The following SOX6 variants were observed in gnomAD, a reference collection of about 807,000 sequenced individuals.
SOX6 encodes SRY-box transcription factor 6, also known as transcription factor SOX-6.
A neutral mutation model predicts 97.8 loss-of-function variants in SOX6; 11 were observed. That is an observed-to-expected ratio of 0.11 (90% CI 0.07 to 0.19). The LOEUF is 0.19. Ranked by LOEUF, SOX6 falls within the 10% of genes least tolerant of loss-of-function variation. The pLI is 1.00. For synonymous variants in SOX6, 360 were observed against 371.4 expected, an observed-to-expected ratio of 0.97 and a Z score of 0.35; for missense variants, 810 against 1,039.5, an observed-to-expected ratio of 0.78 and a Z score of 3.04.
At chr11:16,706,469 AAAATATATATATATAT>A (rs1848135027) in intron 3 of SOX6, among the ~76,000 whole-genome samples, 1 of 27,016 alleles carries the variant, frequency 3.7e-5, no homozygotes, top group Non-Finnish European at 6.6e-5. Flanking sequence ...AAAAAAAAAA[AAAATATATATATATAT>A]ATATATATAT....
At chr11:16,037,684 A>G (rs927796061) in intron 12 of SOX6, among the ~76,000 whole-genome samples, 5 of 152,164 alleles carry the variant, frequency 3.3e-5, no homozygotes, top group Admixed American at 2.6e-4. Context: ...GCAGAATCTG[A>G]AGCCCCGGTC....
chr11:16,101,726 A>G (rs1848951407), intron 7 of SOX6, among the ~76,000 whole-genome samples: 1 of 151,854 alleles, frequency 6.6e-6, no homozygotes, highest in Non-Finnish European at 1.5e-5. Flanking sequence ...GGCTTAACAT[A>G]TGGAAATCAA....
intron 4 of SOX6, among the ~76,000 whole-genome samples, chr11:16,529,077 A>ATG (rs1482059421): frequency 6.6e-6 from 1 of 152,078 alleles, no homozygotes; most frequent in East Asian, 1.9e-4. Context: ...AGACCACGAT[A>ATG]TGTCTGCCAA....
At chr11:16,558,088 A>G (rs1315993605) in intron 4 of SOX6, among the ~76,000 whole-genome samples, 1 of 151,928 alleles carries the variant, frequency 6.6e-6, no homozygotes, top group Non-Finnish European at 1.5e-5. Context: ...TAACTTAACT[A>G]GATGTTCTAG....
intron 6 of SOX6, among the ~76,000 whole-genome samples, chr11:16,139,388 A>C (rs1176528285): frequency 6.6e-6 from 1 of 152,180 alleles, no homozygotes; most frequent in Non-Finnish European, 1.5e-5. Context: ...ATTAGTTGGC[A>C]CATTAAGGAA....
At chr11:16,262,668 A>C (rs1033846516) in intron 3 of SOX6, among the ~76,000 whole-genome samples, 1 of 152,022 alleles carries the variant, frequency 6.6e-6, no homozygotes, top group African/African-American at 2.4e-5. Context: ...TTACATATGA[A>C]ATTATGTTTT....
At chr11:16,291,442 C>T (rs555545966) in intron 3 of SOX6, among the ~76,000 whole-genome samples, 34 of 151,712 alleles carry the variant, frequency 2.2e-4, no homozygotes, top group African/African-American at 5.1e-4. Flanking sequence ...GATGAAAGAA[C>T]GAATAAACAA....
chr11:16,297,965 T>C (rs995932055), intron 3 of SOX6, among the ~76,000 whole-genome samples: 8 of 152,160 alleles, frequency 5.3e-5, no homozygotes, highest in Non-Finnish European at 1.2e-4. Flanking sequence ...CTGGAGTCTC[T>C]TTTTCACTTT....
chr11:16,034,827 A>T (rs1370395237), intron 12 of SOX6, among the ~76,000 whole-genome samples: 3 of 152,210 alleles, frequency 2.0e-5, no homozygotes, highest in African/African-American at 7.2e-5. Context: ...ACCTACAGAC[A>T]TACAAATGCA....
chr11:16,226,161 T>C (rs918769088), intron 4 of SOX6, among the ~76,000 whole-genome samples: 4 of 152,150 alleles, frequency 2.6e-5, no homozygotes, highest in East Asian at 1.9e-4. Flanking sequence ...TTTTTTTTTC[T>C]GTCAGAAGAG....
At chr11:16,471,598 T>C (rs1860143740) in intron 1 of SOX6, among the ~76,000 whole-genome samples, 1 of 152,210 alleles carries the variant, frequency 6.6e-6, no homozygotes, top group Admixed American at 6.6e-5. Context: ...CATTTGCCTG[T>C]TCTTAGGCCT....
intron 3 of SOX6, among the ~76,000 whole-genome samples, chr11:16,308,374 T>C (rs553402173): frequency 5.6e-4 from 86 of 152,336 alleles, no homozygotes; most frequent in African/African-American, 1.9e-3. Flanking sequence ...TGTCCTTTAA[T>C]GCTTATCTAG....
chr11:16,723,064 T>A (rs1848278747), intron 2 of SOX6, among the ~76,000 whole-genome samples: 1 of 152,080 alleles, frequency 6.6e-6, no homozygotes, highest in Admixed American at 6.5e-5. Flanking sequence ...AGCAAAGACA[T>A]GAAATCAACC....
chr11:16,481,954 A>AT (rs1284439571), intron 4 of SOX6, among the ~76,000 whole-genome samples: 1 of 152,114 alleles, frequency 6.6e-6, no homozygotes, highest in Non-Finnish European at 1.5e-5. Flanking sequence ...TTCCAAAATA[A>AT]AAAAAAGAGA....
chr11:16,060,118 G>C (rs908851956), intron 9 of SOX6, among the ~76,000 whole-genome samples: 13 of 151,746 alleles, frequency 8.6e-5, no homozygotes, highest in Non-Finnish European at 1.2e-4. Context: ...TGGGAAACTT[G>C]AACTAGTGAA....
intron 1 of SOX6, among the ~76,000 whole-genome samples, chr11:16,430,912 A>G (rs114733194): frequency 7.2e-5 from 11 of 152,260 alleles, no homozygotes; most frequent in African/African-American, 2.4e-4. Flanking sequence ...CAGGTTTCCT[A>G]TCTTCCTCAG....
At chr11:16,506,897 C>T (rs2133148137) in intron 4 of SOX6, among the ~76,000 whole-genome samples, 1 of 152,042 alleles carries the variant, frequency 6.6e-6, no homozygotes, top group African/African-American at 2.4e-5. Flanking sequence ...AACCCTGTCT[C>T]TACTAAAAAT....
rs4539287 is a variant in SOX6, at chr11:15,971,511, A to C, written c.*1298T>G. 2 of 152,532 alleles carry C rather than the reference A, an allele frequency of 1.3e-5. No individual in the cohort carries two copies. The highest frequency in any genetic ancestry group is 1.3e-4 in the Admixed American group (2 of 15,288). 9.4% of individuals were successfully genotyped at this position (152,532 alleles called of 1,614,324 possible). On this transcript the variant is annotated 3_prime_UTR_variant, in exon 16 of 16. Transcript: ENST00000683767. ...AAATGCCACTGATGCAGACCCTACC[A>C]CTTGTGAACTGAATTAGGGGAAAAT...
chr11:15,999,318 C>A (rs949719492), intron 13 of SOX6, among the ~76,000 whole-genome samples: 1 of 152,164 alleles, frequency 6.6e-6, no homozygotes, highest in African/African-American at 2.4e-5. Flanking sequence ...CATTTTCTGG[C>A]AATTTCTTCT....
Sources: gnomAD v4.1 joint callset for allele counts (sites outside exome capture counted in the v4.1 genomes callset) on GRCh38, gnomAD v4.1.1 for gene constraint, MANE v1.5 for transcripts, NCBI Gene and HGNC (gene_info 2026-07-23, HGNC 2026-07-21) for gene names.